SH3PXD2A: variants seen among roughly 807,000 people sequenced by gnomAD.
SH3PXD2A encodes the protein SH3 and PX domains 2A.
A neutral mutation model predicts 115.2 loss-of-function variants in SH3PXD2A; 32 were observed. That is an observed-to-expected ratio of 0.28 (90% CI 0.21 to 0.37). The LOEUF is 0.37. SH3PXD2A is among the 10% of genes least tolerant of loss of function. SH3PXD2A has a pLI of 1.00. For synonymous variants in SH3PXD2A, 610 were observed against 629.1 expected (o/e 0.97, Z 0.45); for missense variants, 1,328 against 1,498.7 (o/e 0.89, Z 1.88).
intron 4 of SH3PXD2A, among the ~76,000 whole-genome samples, chr10:103,730,287 A>AT (rs200966907): frequency 0.075 from 6,295 of 83,378 alleles, 200 homozygotes; most frequent in Non-Finnish European, 0.11. Context: ...TTGTTTTTTA[A>AT]TTTTTTTAAA....
At chr10:103,790,738 A>G (rs923925996) in intron 2 of SH3PXD2A, among the ~76,000 whole-genome samples, 3 of 152,152 alleles carry the variant, frequency 2.0e-5, no homozygotes, top group Non-Finnish European at 4.4e-5. Context: ...TGGGCTCGTA[A>G]TCAATTAACA....
chr10:103,700,548 G>A (rs2134140963), intron 5 of SH3PXD2A, among the ~76,000 whole-genome samples: 1 of 152,334 alleles, frequency 6.6e-6, no homozygotes, highest in African/African-American at 2.4e-5. Context: ...TTCCCATCAG[G>A]TGCATTCCAA....
intron 5 of SH3PXD2A, among the ~76,000 whole-genome samples, chr10:103,710,001 A>G (rs1256327937): frequency 6.6e-6 from 1 of 151,818 alleles, no homozygotes; most frequent in African/African-American, 2.4e-5. Context: ...AGGCTGAGGC[A>G]GGAGAGTCAC....
At chr10:103,812,768 T>A (rs2039283307) in intron 1 of SH3PXD2A, among the ~76,000 whole-genome samples, 1 of 152,212 alleles carries the variant, frequency 6.6e-6, no homozygotes, top group Non-Finnish European at 1.5e-5. Flanking sequence ...CTCTCTGCTG[T>A]GCTCAGCAAA....
chr10:103,618,389 GTAC>G, intron 10 of SH3PXD2A, among the ~76,000 whole-genome samples: 1 of 152,220 alleles, frequency 6.6e-6, no homozygotes, highest in Non-Finnish European at 1.5e-5. Flanking sequence ...CCAGAGCTGA[GTAC>G]TCCCTGGCTC....
Position 103,602,920 on chromosome 10 carries a change from C to T in SH3PXD2A, c.2298G>A (p.Glu766=), listed in dbSNP as rs2036240806. 1.2e-6 allele frequency: 2 copies of T among 1,614,186 alleles called. No homozygotes were observed. Among genetic ancestry groups the T allele is most frequent in the African/African-American group, 1.3e-5 (1 of 75,062 alleles). ...TGTCCATCTTCTCTTGGCTCTGCGA[C>T]TCTGCTCGGTTTAGGAATGGCTTGG... ...VRPKPFLNRA[E]SQSQEKMDIS... The change falls in exon 15 of 15, where the codon GAG becomes GAA. Residue 766 remains glutamate, a synonymous_variant. Transcript: ENST00000369774.
chr10:103,753,999 T>C (rs966316245), intron 3 of SH3PXD2A: 5 of 152,154 alleles, frequency 3.3e-5, no homozygotes, highest in African/African-American at 1.2e-4. Flanking sequence ...ACTGGTTAAT[T>C]CGTCTTTCAG....
At chr10:103,663,121 C>G (rs2037337017) in intron 7 of SH3PXD2A, among the ~76,000 whole-genome samples, 1 of 152,180 alleles carries the variant, frequency 6.6e-6, no homozygotes, top group African/African-American at 2.4e-5. Flanking sequence ...ATATGTCTGC[C>G]AATCTCCTTG....
intron 2 of SH3PXD2A, among the ~76,000 whole-genome samples, chr10:103,780,151 C>G (rs978812905): frequency 6.6e-6 from 1 of 152,232 alleles, no homozygotes; most frequent in African/African-American, 2.4e-5. Flanking sequence ...AACAGACCCT[C>G]AGCGGGCCTG....
intron 5 of SH3PXD2A, among the ~76,000 whole-genome samples, chr10:103,703,233 T>G (rs955989211): frequency 1.6e-4 from 24 of 152,194 alleles, no homozygotes; most frequent in Admixed American, 6.5e-5. Flanking sequence ...GCCCGGGTGA[T>G]CGCCTCTTAC....
At chr10:103,744,106 C>A (rs1445933057) in intron 3 of SH3PXD2A, among the ~76,000 whole-genome samples, 1 of 152,138 alleles carries the variant, frequency 6.6e-6, no homozygotes, top group Non-Finnish European at 1.5e-5. Context: ...CTGGGTTAGC[C>A]CTGCCTAGGC....
At chr10:103,782,827 CA>C (rs1177829829) in intron 2 of SH3PXD2A, among the ~76,000 whole-genome samples, 586 of 45,384 alleles carry the variant, frequency 0.013, 1 homozygote, top group South Asian at 0.043. Flanking sequence ...TCCATCTCTC[CA>C]AAAAAAAAAA....
At chr10:103,836,554 A>G (rs995302521) in intron 1 of SH3PXD2A, among the ~76,000 whole-genome samples, 1 of 151,628 alleles carries the variant, frequency 6.6e-6, no homozygotes, top group Non-Finnish European at 1.5e-5. Context: ...TCATATACAG[A>G]CACATCCATA....
At chr10:103,709,339 A>G (rs190056618) in intron 5 of SH3PXD2A, among the ~76,000 whole-genome samples, 422 of 152,262 alleles carry the variant, frequency 2.8e-3, no homozygotes, top group Middle Eastern at 0.014. Flanking sequence ...TCAGGCAACC[A>G]TTTCCCTTCT....
At chr10:103,618,153 G>A (rs2036548250) in intron 10 of SH3PXD2A, among the ~76,000 whole-genome samples, 1 of 152,206 alleles carries the variant, frequency 6.6e-6, no homozygotes, top group Admixed American at 6.5e-5. Context: ...TCCTCCCGAG[G>A]TGCTGGGAAA....
chr10:103,661,666 G>GGCGGGAGAGGGAGAGGAGAGA (rs1332171523), intron 7 of SH3PXD2A: 4 of 985,320 alleles, frequency 4.1e-6, no homozygotes, highest in East Asian at 2.3e-4. Flanking sequence ...TGCTCCCTCG[G>GGCGGGAGAGGGAGAGGAGAGA]GCGGGAGAGG....
At chr10:103,854,039 T>G (rs1311860533) in intron 1 of SH3PXD2A, among the ~76,000 whole-genome samples, 1 of 152,166 alleles carries the variant, frequency 6.6e-6, no homozygotes. Flanking sequence ...CCTCCCCATA[T>G]GAGCCCAGCC....
At chr10:103,656,148 C>T (rs1308000282) in intron 8 of SH3PXD2A, among the ~76,000 whole-genome samples, 2 of 152,230 alleles carry the variant, frequency 1.3e-5, no homozygotes, top group African/African-American at 2.4e-5. Context: ...TGCACAGGTA[C>T]TGAACAAGTA....
chr10:103,764,936 G>T (rs2038737772), intron 3 of SH3PXD2A, among the ~76,000 whole-genome samples: 1 of 152,164 alleles, frequency 6.6e-6, no homozygotes, highest in Admixed American at 6.5e-5. Flanking sequence ...TATGTAAATT[G>T]TGGTGTAAAA....
Sources: gnomAD v4.1 joint callset for allele counts (sites outside exome capture counted in the v4.1 genomes callset) on GRCh38, gnomAD v4.1.1 for gene constraint, MANE v1.5 for transcripts, NCBI Gene and HGNC (gene_info 2026-07-23, HGNC 2026-07-21) for gene names.